The following CDIN1 variants were observed in gnomAD, a reference collection of about 807,000 sequenced individuals.
The protein encoded by CDIN1 is CDAN1-interacting nuclease 1.
Under a neutral mutation model 45.3 loss-of-function variants are expected in CDIN1, and 33 were observed. The observed-to-expected ratio is 0.73, with a 90% CI of 0.55 to 0.97. The LOEUF is 0.97. Ranked by LOEUF, CDIN1 falls within the 50% of genes least tolerant of loss-of-function variation. CDIN1 has a pLI of 0.00. For synonymous variants in CDIN1, 118 were observed against 124.4 expected, an observed-to-expected ratio of 0.95 and a Z score of 0.34; for missense variants, 303 against 339.4, an observed-to-expected ratio of 0.89 and a Z score of 0.84.
At chr15:36,790,875 A>G (rs7170548) in intron 10 of CDIN1, among the ~76,000 whole-genome samples, 4,761 of 152,190 alleles carry the variant, frequency 0.031, 251 homozygotes, top group African/African-American at 0.11. Flanking sequence ...AGGTTCGGGG[A>G]TCTATGTGCA....
chr15:36,788,385 G>A (rs1006971074), intron 10 of CDIN1, among the ~76,000 whole-genome samples: 7 of 151,498 alleles, frequency 4.6e-5, no homozygotes, highest in Admixed American at 6.6e-5. Flanking sequence ...CATCCAGCCC[G>A]ATAATTATAT....
chr15:36,753,803 T>C (rs1044940572), intron 10 of CDIN1, among the ~76,000 whole-genome samples: 4 of 151,966 alleles, frequency 2.6e-5, no homozygotes, highest in Non-Finnish European at 5.9e-5. Context: ...AATGGCACAA[T>C]GAATAACAAA....
At chr15:36,799,311 T>A (rs1044861902) in intron 10 of CDIN1, 2 of 152,230 alleles carry the variant, frequency 1.3e-5, no homozygotes, top group African/African-American at 4.8e-5. Context: ...TTTTGCTATG[T>A]TTGCTGTCTC....
chr15:36,758,771 A>G (rs891353654), intron 10 of CDIN1, among the ~76,000 whole-genome samples: 3 of 152,178 alleles, frequency 2.0e-5, no homozygotes, highest in Non-Finnish European at 4.4e-5. Flanking sequence ...GTTATTTGTA[A>G]GTTTTGACCT....
At chr15:36,582,837 T>C (rs918872943) in intron 1 of CDIN1, among the ~76,000 whole-genome samples, 1 of 152,254 alleles carries the variant, frequency 6.6e-6, no homozygotes, top group African/African-American at 2.4e-5. Flanking sequence ...GAAGAGTCAT[T>C]ATTTAATCTT....
In CDIN1 at chr15:36,611,299, A is replaced by G. The variant is rs117268202; in HGVS notation, c.101+31338A>G. The stretch of plus-strand genomic sequence containing the variant: ...CCAGAAGCAATGCCTTTTGAATATA[A>G]AAGTCTTGGGGAGGCTGAGTCCTGT... On this transcript the variant is annotated intron_variant, in intron 1 of 10. Transcript: ENST00000566621. Among the ~76,000 whole-genome samples, 420 of 152,270 alleles carry G rather than the reference A, an allele frequency of 2.8e-3. 12 individuals are homozygous for G. In the South Asian group the frequency reaches 0.042, roughly 15 times the overall value.
intron 1 of CDIN1, among the ~76,000 whole-genome samples, chr15:36,593,488 G>A (rs6495857): frequency 0.59 from 90,261 of 152,054 alleles, 26,984 homozygotes; most frequent in Middle Eastern, 0.68. Context: ...AGATCATCAC[G>A]TCAGTGTGAA....
intron 10 of CDIN1, among the ~76,000 whole-genome samples, chr15:36,717,622 G>C (rs1202852610): frequency 6.6e-6 from 1 of 152,070 alleles, no homozygotes; most frequent in African/African-American, 2.4e-5. Flanking sequence ...AAGCTGATCT[G>C]AACAGTTTTG....
intron 5 of CDIN1, among the ~76,000 whole-genome samples, chr15:36,664,077 AG>A (rs2041138654): frequency 6.6e-6 from 1 of 152,226 alleles, no homozygotes; most frequent in South Asian, 2.1e-4. Context: ...GGATACTGGT[AG>A]TGAGGAAGTA....
chr15:36,802,168 G>A (rs945869938), intron 10 of CDIN1, among the ~76,000 whole-genome samples: 2 of 152,154 alleles, frequency 1.3e-5, no homozygotes, highest in African/African-American at 4.8e-5. Context: ...GGCCCTTTTT[G>A]GGCCCCAGTT....
chr15:36,691,374 T>C (rs771287830), intron 5 of CDIN1: 7 of 288,708 alleles, frequency 2.4e-5, no homozygotes, highest in Non-Finnish European at 4.5e-5. Context: ...TTTTCTGATT[T>C]TTTTTTTTTT....
At chr15:36,756,995 A>T (rs964960204) in intron 10 of CDIN1, among the ~76,000 whole-genome samples, 85 of 152,184 alleles carry the variant, frequency 5.6e-4, no homozygotes, top group African/African-American at 2.0e-3. Flanking sequence ...GGCAATTTCA[A>T]CGGAAAGTGA....
At chr15:36,696,185 T>C (rs757681621) in intron 7 of CDIN1, among the ~76,000 whole-genome samples, 1 of 152,176 alleles carries the variant, frequency 6.6e-6, no homozygotes, top group Non-Finnish European at 1.5e-5. Context: ...TACCACATAG[T>C]AAGCACTGAA....
intron 1 of CDIN1, among the ~76,000 whole-genome samples, chr15:36,612,371 G>A (rs1361451404): frequency 6.6e-6 from 1 of 152,154 alleles, no homozygotes; most frequent in African/African-American, 2.4e-5. Flanking sequence ...AATTGCTGTG[G>A]TGGAAGAGAC....
chr15:36,751,229 T>TTTTTATATATATA (rs568110101), intron 10 of CDIN1, among the ~76,000 whole-genome samples: 1 of 97,612 alleles, frequency 1.0e-5, no homozygotes, highest in Non-Finnish European at 1.9e-5. Context: ...TATGCTTATT[T>TTTTTATATATATA]TATATATATA....
chr15:36,619,516 T>TATCTATCTATCC (rs1382847820), intron 1 of CDIN1, among the ~76,000 whole-genome samples: 10 of 129,406 alleles, frequency 7.7e-5, no homozygotes, highest in African/African-American at 2.9e-4. Context: ...TCTATCTATC[T>TATCTATCTATCC]ATCCATCCAT....
intron 1 of CDIN1, among the ~76,000 whole-genome samples, chr15:36,623,656 T>C (rs903663663): frequency 2.0e-5 from 3 of 152,214 alleles, no homozygotes; most frequent in African/African-American, 7.2e-5. Context: ...TATGGTGTGG[T>C]TGGAATGCTG....
At chr15:36,764,757 A>C (rs1022745323) in intron 10 of CDIN1, among the ~76,000 whole-genome samples, 4 of 152,196 alleles carry the variant, frequency 2.6e-5, no homozygotes, top group Non-Finnish European at 5.9e-5. Flanking sequence ...CTCCCCTTGC[A>C]GTAAGATGTA....
chr15:36,601,546 C>G (rs148162979), intron 1 of CDIN1, among the ~76,000 whole-genome samples: 2 of 152,290 alleles, frequency 1.3e-5, no homozygotes, highest in South Asian at 4.2e-4. Context: ...TGAGCAGCCA[C>G]AGGGCATTGT....
Sources: gnomAD v4.1 joint callset for allele counts (sites outside exome capture counted in the v4.1 genomes callset) on GRCh38, gnomAD v4.1.1 for gene constraint, MANE v1.5 for transcripts, NCBI Gene and HGNC (gene_info 2026-07-23, HGNC 2026-07-21) for gene names.